The following GRIN1 variants were observed in gnomAD, a reference collection of about 807,000 sequenced individuals.
GRIN1 encodes the protein glutamate receptor ionotropic, NMDA 1.
A neutral mutation model predicts 103.0 loss-of-function variants in GRIN1; 38 were observed. That is an observed-to-expected ratio of 0.37 (90% CI 0.28 to 0.48). The LOEUF is 0.48. GRIN1 is among the 20% of genes least tolerant of loss of function. GRIN1 has a pLI of 0.98. For missense variants in GRIN1, 577 were observed against 1,288.9 expected (o/e 0.45, Z 8.46); for synonymous variants, 544 against 532.7 (o/e 1.02, Z -0.29).
At position 137,146,269 on chromosome 9, in the gene GRIN1, G is replaced by A. The variant is rs370593333; in HGVS notation, c.570+367G>A. Among the ~76,000 whole-genome samples, 22 of 138,968 alleles carry A rather than the reference G, an allele frequency of 1.6e-4. No homozygotes were observed. In the East Asian group the frequency reaches 5.2e-3, roughly 33 times the overall value. The allele number at this position is 138,968 out of a possible 152,430, so 91.2% of individuals were successfully genotyped here. A position where few individuals can be genotyped will look rare whatever the true frequency, so the allele number is the denominator to read the frequency against. Reference sequence around the variant, plus strand: ...CCGCCCACCCTGTCCTGAGTCCCCAGCAGCCTCCCTCTGGGCAAGGTCTCC... The same window carrying A: ...CCGCCCACCCTGTCCTGAGTCCCCAACAGCCTCCCTCTGGGCAAGGTCTCC... On this transcript the variant is annotated intron_variant, in intron 3 of 19. Coordinates refer to ENST00000371561, the MANE Select transcript of GRIN1 (RefSeq NM_007327.4). This position sits in a 1 kb window ranked among gnomAD's most constrained non-coding sequence, Gnocchi z 6.7.
At chr9:137,151,778 G>T (rs1832930126) in intron 4 of GRIN1, among the ~76,000 whole-genome samples, 1 of 152,158 alleles carries the variant, frequency 6.6e-6, no homozygotes, top group Non-Finnish European at 1.5e-5. Context: ...CGATTCTCCT[G>T]CCTCAGCCTC....
intron 5 of GRIN1, 33 bp downstream of exon 5, chr9:137,156,823 G>A (rs200812429): frequency 1.2e-6 from 2 of 1,604,618 alleles, no homozygotes; most frequent in East Asian, 4.5e-5. Context: ...GTCCCCGAAC[G>A]GGGAGGACCC....
At chr9:137,163,972 C>G (rs746451079) in intron 18 of GRIN1, 68 bp downstream of exon 18, 8 of 1,563,878 alleles carry the variant, frequency 5.1e-6, no homozygotes, top group Admixed American at 3.3e-5. Context: ...CCTCCATCCC[C>G]GAAGGCCGTG....
intron 15 of GRIN1, 53 bp from the exon 16 acceptor site, chr9:137,163,116 G>A (rs549163710): frequency 1.2e-6 from 2 of 1,602,574 alleles, no homozygotes; most frequent in African/African-American, 1.3e-5. Flanking sequence ...CGCGGGCGTG[G>A]GGCTTCCAGG....
At chr9:137,160,523 G>C (rs532203567) in intron 8 of GRIN1, among the ~76,000 whole-genome samples, 3 of 152,170 alleles carry the variant, frequency 2.0e-5, no homozygotes, top group Non-Finnish European at 2.9e-5. Flanking sequence ...TCCGCCTCCC[G>C]GGTTCACGCC....
intron 19 of GRIN1, 77 bp from the exon 20 acceptor site, chr9:137,167,334 G>C: frequency 8.9e-7 from 1 of 1,127,784 alleles, no homozygotes; most frequent in Non-Finnish European, 1.3e-6. Context: ...GGGCCAGGGC[G>C]GCACTGGGCG....
In GRIN1 at chr9:137,139,795, C is replaced by A. The variant is rs766972695; in HGVS notation, c.258+51C>A. 1.5e-6 allele frequency: 2 copies of A among 1,351,352 alleles called. No individual in the cohort carries two copies. The highest frequency in any genetic ancestry group is 2.3e-5 in the South Asian group (2 of 85,782). The allele number at this position is 1,351,352 out of a possible 1,614,324, so 83.7% of individuals were successfully genotyped here. ...ACCTCCCCTCTCCTCCATCCTGCAA[C>A]CCCACACCCCCAGTTTCATTCCATC... On this transcript the variant is annotated intron_variant, in intron 1 of 19. Coordinates refer to ENST00000371561, the MANE Select transcript of GRIN1 (RefSeq NM_007327.4). The surrounding 1 kb of genome is among the most constrained non-coding windows in gnomAD (Gnocchi z 7.7).
chr9:137,144,478 C>T (rs571720970), intron 2 of GRIN1, among the ~76,000 whole-genome samples: 3 of 151,940 alleles, frequency 2.0e-5, no homozygotes, highest in East Asian at 1.9e-4. Context: ...TACGGTGAAA[C>T]CCCATCTCCA....
In GRIN1 at chr9:137,157,255, G is replaced by A. The variant is rs143877162; in HGVS notation, c.968+218G>A. Among the ~76,000 whole-genome samples the A allele has an allele frequency of 5.5e-3, 833 of 151,652 alleles. 10 individuals are homozygous for A. Among genetic ancestry groups the A allele is most frequent in the African/African-American group, 0.019 (786 of 41,234 alleles). On this transcript the variant is annotated intron_variant, in intron 6 of 19. Transcript: ENST00000371561. ...CACTCTCGGGGAGGTGGGCGGGGTC[G>A]CTTCCAGGAGGTGGGCGGCGTCGCT...
chr9:137,153,807 A>G (rs554693144), intron 4 of GRIN1, among the ~76,000 whole-genome samples: 76 of 152,246 alleles, frequency 5.0e-4, no homozygotes, highest in Non-Finnish European at 8.7e-4. Flanking sequence ...ACCCGCCAAC[A>G]TAACTCTTTC....
chr9:137,167,877 G>A lies in GRIN1; in HGVS notation c.*350G>A, dbSNP rs1338312156. The stretch of plus-strand genomic sequence containing the variant: ...AGGCGCCCACCTGCCCAGTTAGCCC[G>A]GCCAAGGACACTGATGGGTCCTGCT... On this transcript the variant is annotated 3_prime_UTR_variant, in exon 20 of 20. Coordinates refer to ENST00000371561, the MANE Select transcript of GRIN1 (RefSeq NM_007327.4). 6.3e-7 allele frequency: 1 copy of A among 1,586,182 alleles called. No homozygotes were observed. Among genetic ancestry groups the A allele is most frequent in the Non-Finnish European group, 8.6e-7 (1 of 1,157,728 alleles).
At chr9:137,153,571 G>A (rs1364441747) in intron 4 of GRIN1, among the ~76,000 whole-genome samples, 1 of 151,752 alleles carries the variant, frequency 6.6e-6, no homozygotes, top group Non-Finnish European at 1.5e-5. Flanking sequence ...CCATACACAC[G>A]TGCATCTACA....
At chr9:137,163,050 G>A (rs201440873) in intron 15 of GRIN1, 47 bp downstream of exon 15, 6 of 1,557,612 alleles carry the variant, frequency 3.9e-6, no homozygotes, top group Non-Finnish European at 5.2e-6. Flanking sequence ...GGTGCGGGGA[G>A]GGGGAGGGTG....
In GRIN1 at chr9:137,168,434, AGC is replaced by A; in HGVS notation, c.*908_*909del. Reference sequence around the variant, plus strand: ...GCCTCCTCCAGACTCGAGAGGGCTGAGCCCCTCCTCTCCTCGTCCGGCCTGCA... The same window carrying A: ...GCCTCCTCCAGACTCGAGAGGGCTGACCCTCCTCTCCTCGTCCGGCCTGCA... On this transcript the variant is annotated 3_prime_UTR_variant, in exon 20 of 20. Coordinates refer to ENST00000371561, the MANE Select transcript of GRIN1 (RefSeq NM_007327.4). 1 of 187,602 alleles carries A rather than the reference AGC, an allele frequency of 5.3e-6. No individual in the cohort carries two copies. The highest frequency in any genetic ancestry group is 1.1e-5 in the Non-Finnish European group (1 of 92,778). 11.6% of individuals were successfully genotyped at this position (187,602 alleles called of 1,614,324 possible). A position where few individuals can be genotyped will look rare whatever the true frequency, so the allele number is the denominator to read the frequency against.
intron 16 of GRIN1, 83 bp from the exon 17 acceptor site, chr9:137,163,476 G>GGCCCCCC: frequency 1.5e-6 from 2 of 1,338,062 alleles, no homozygotes; most frequent in Non-Finnish European, 2.1e-6. Flanking sequence ...TACCCCGCAG[G>GGCCCCCC]CCCCGCCCCG....
At chr9:137,153,678 CACAT>C (rs1199444264) in intron 4 of GRIN1, among the ~76,000 whole-genome samples, 3 of 152,186 alleles carry the variant, frequency 2.0e-5, no homozygotes, top group African/African-American at 7.2e-5. Context: ...AGCACACATG[CACAT>C]ACATCACAAC....
intron 4 of GRIN1, among the ~76,000 whole-genome samples, chr9:137,155,178 A>G (rs1233528705): frequency 2.0e-5 from 3 of 152,162 alleles, no homozygotes; most frequent in Non-Finnish European, 4.4e-5. Context: ...TTTTGCTCCT[A>G]ATCATTCCAC....
chr9:137,156,467 C>T (rs1240826440), intron 4 of GRIN1, among the ~76,000 whole-genome samples: 8 of 152,170 alleles, frequency 5.3e-5, no homozygotes, highest in African/African-American at 1.2e-4. Flanking sequence ...CATCCCTGCT[C>T]CCCCAAGGTA....
In GRIN1 at chr9:137,162,102, GGGTGGCGGGGT is replaced by G; in HGVS notation, c.1632+17_1632+27del. 1 of 1,518,238 alleles carries G rather than the reference GGGTGGCGGGGT, an allele frequency of 6.6e-7. No homozygotes were observed. Among genetic ancestry groups the G allele is most frequent in the Non-Finnish European group, 8.9e-7 (1 of 1,122,742 alleles). The allele number at this position is 1,518,238 out of a possible 1,614,324, so 94.0% of individuals were successfully genotyped here. ...CTGGTCAAGAAGGTGGGCAGGGGCC[GGGTGGCGGGGT>G]GGCGGCGGGGGGAGTCCCTGGAGGG... On this transcript the variant is annotated intron_variant, in intron 11 of 19. Coordinates refer to ENST00000371561, the MANE Select transcript of GRIN1 (RefSeq NM_007327.4).
Sources: allele counts gnomAD v4.1 joint callset (sites outside exome capture counted in the v4.1 genomes callset), GRCh38; gene constraint gnomAD v4.1.1; non-coding constraint Gnocchi (gnomAD v3.1); transcripts MANE v1.5; gene names NCBI Gene and HGNC (gene_info 2026-07-23, HGNC 2026-07-21).